Variants in LRRC37B observed in about 807,000 individuals in gnomAD.
LRRC37B encodes leucine-rich repeat-containing protein 37B.
In LRRC37B, 28 loss-of-function variants were observed where a neutral mutation model predicts 98.3. That is an observed-to-expected ratio of 0.28 (90% CI 0.21 to 0.39). The LOEUF (loss-of-function observed/expected upper bound fraction) is 0.39. Ranked by LOEUF, LRRC37B falls within the 10% of genes least tolerant of loss-of-function variation. LRRC37B has a pLI of 1.00. For missense variants in LRRC37B, 938 were observed against 1,182.7 expected, an observed-to-expected ratio of 0.79 and a Z score of 3.03; for synonymous variants, 364 against 442.7, an observed-to-expected ratio of 0.82 and a Z score of 2.23.
chr17:32,017,792 CA>C (rs928975211), upstream of LRRC37B, among the ~76,000 whole-genome samples: 2 of 150,638 alleles, frequency 1.3e-5, no homozygotes, highest in Admixed American at 6.6e-5. Context: ...ACCCAGTCTC[CA>C]AAAAAAACAG....
rs771890680 is a variant in LRRC37B, at chr17:32,022,173, G to C, written c.1108G>C (p.Val370Leu). 4 of 1,613,724 alleles carry C rather than the reference G, an allele frequency of 2.5e-6. 1 individual carries two copies. In the South Asian group the frequency reaches 3.3e-5, roughly 13 times the overall value. Residue 370 changes from valine to leucine, a missense_variant, in exon 1 of 12, where the codon GTC becomes CTC. Transcript: ENST00000327564. The stretch of plus-strand genomic sequence containing the variant: ...TCATTATAATTTGCCCAAGTTTACA[G>C]TCAAACCTGCAGATGTGGAGGTTAC...
intron 1 of LRRC37B, among the ~76,000 whole-genome samples, chr17:32,011,649 C>G (rs1381197906): frequency 6.6e-6 from 1 of 151,950 alleles, no homozygotes; most frequent in African/African-American, 2.4e-5. Flanking sequence ...AGGCACCCAC[C>G]ACCACGCCCA....
chr17:32,033,185 G>A (rs570984656), intron 5 of LRRC37B, among the ~76,000 whole-genome samples: 3 of 152,114 alleles, frequency 2.0e-5, no homozygotes, highest in Non-Finnish European at 4.4e-5. Flanking sequence ...TACTACGTTG[G>A]TCAGGCTGGT....
At position 32,040,978 on chromosome 17, in the gene LRRC37B, C is replaced by T. The variant is rs746399925; in HGVS notation, c.2205-4722C>T. The T allele has an allele frequency of 1.6e-5, 14 of 856,960 alleles. No individual in the cohort carries two copies. The East Asian group carries it at 2.2e-4, about 13-fold the overall frequency. 53.1% of individuals were successfully genotyped at this position (856,960 alleles called of 1,614,324 possible). On this transcript the variant is annotated intron_variant, in intron 7 of 11. Coordinates refer to ENST00000327564, the Ensembl canonical transcript of LRRC37B. ...ATCCCCGATGAGGAGCTGCGTCAGG[C>T]GCTGGAGAAGTTTGAGGACTCCAAG...
upstream of LRRC37B, chr17:32,018,024 C>G (rs1910684906): frequency 4.5e-6 from 1 of 220,208 alleles, no homozygotes; most frequent in Non-Finnish European, 9.6e-6. Context: ...TTGTAGATGT[C>G]AGATGGGAAG....
intron 1 of LRRC37B, among the ~76,000 whole-genome samples, chr17:32,015,827 A>G (rs1910637663): frequency 6.6e-6 from 1 of 152,206 alleles, no homozygotes; most frequent in Non-Finnish European, 1.5e-5. Context: ...GGGGGGCATG[A>G]GTAATTGCCT....
exon 1 of LRRC37B, chr17:32,021,467 G>C: frequency 6.2e-7 from 1 of 1,614,040 alleles, no homozygotes; most frequent in Non-Finnish European, 8.5e-7. Context: ...CTGGAGAGCT[G>C]CCCCTGGGGC....
At chr17:32,043,937 G>A (rs902903277) in intron 7 of LRRC37B, among the ~76,000 whole-genome samples, 15 of 151,582 alleles carry the variant, frequency 9.9e-5, no homozygotes, top group African/African-American at 3.4e-4. Context: ...ATCACTCAGT[G>A]TGTGCCAGAC....
In LRRC37B at chr17:32,022,796, C is replaced by G. The variant is rs201331452; in HGVS notation, c.1731C>G (p.Pro577=). The G allele has an allele frequency of 7.4e-6, 12 of 1,613,912 alleles. No homozygotes were observed. In the South Asian group the frequency reaches 8.8e-5, roughly 12 times the overall value. Residue 577 remains proline (P), a synonymous_variant, in exon 1 of 12, where the codon CCC becomes CCG. Coordinates refer to ENST00000327564, the Ensembl canonical transcript of LRRC37B. ...TCCGCCAAGTGCCTGTGCCAGAGCC[C>G]GACACCTACAATGGCATCTTCACCA...
At chr17:32,050,143 A>G (rs16967101) in intron 11 of LRRC37B, 36 bp downstream of exon 14, 166,930 of 1,127,086 alleles carry the variant, frequency 0.15, 14,663 homozygotes, top group African/African-American at 0.35. Flanking sequence ...TTCAGAATAC[A>G]ATCCTGTGTT....
At chr17:32,008,201 T>A (rs59722712) in intron 1 of LRRC37B, 69 bp downstream of exon 1, 10 of 203,580 alleles carry the variant, frequency 4.9e-5, no homozygotes, top group Non-Finnish European at 7.7e-5. Context: ...TGCTCACTTA[T>A]GTGCTGTGCA....
chr17:32,040,478 A>C lies in LRRC37B; in HGVS notation c.2204+4839A>C, dbSNP rs1911392787. ...AAAAAGCAGTTCTACAAGGCAAGCCAGCTGGTCAGTGAGAAGGTCGGAGGG... is the reference window on the plus strand; with the variant it reads ...AAAAAGCAGTTCTACAAGGCAAGCCCGCTGGTCAGTGAGAAGGTCGGAGGG... On this transcript the variant is annotated intron_variant, in intron 7 of 11. Transcript: ENST00000327564. The C allele has an allele frequency of 3.1e-5, 20 of 643,014 alleles. 2 individuals carry two copies. The highest frequency in any genetic ancestry group is 3.1e-4 in the South Asian group (20 of 64,816). 39.8% of individuals were successfully genotyped at this position (643,014 alleles called of 1,614,324 possible).
At chr17:32,009,310 G>GGA (rs1313622060) in intron 1 of LRRC37B, among the ~76,000 whole-genome samples, 1 of 151,490 alleles carries the variant, frequency 6.6e-6, no homozygotes, top group Non-Finnish European at 1.5e-5. Context: ...TGCCCAGGCT[G>GGA]GAGAGCAGTG....
At position 32,021,950 on chromosome 17, in the gene LRRC37B, TC is replaced by T. The variant is rs1910805802; in HGVS notation, c.887del (p.Pro296GlnfsTer27). The T allele has an allele frequency of 6.2e-7, 1 of 1,613,982 alleles. No individual in the cohort carries two copies. Among genetic ancestry groups the T allele is most frequent in the South Asian group, 1.1e-5 (1 of 91,074 alleles). Reference sequence around the variant, plus strand: ...TCCATCTAGAGCCCAAAAGTCAAAATCCAGAGACCCTTGAAGACATCCAGTC... The same window carrying T: ...TCCATCTAGAGCCCAAAAGTCAAAATCAGAGACCCTTGAAGACATCCAGTC... On this transcript the variant is annotated frameshift_variant, in exon 1 of 12. Transcript: ENST00000327564. LOFTEE classifies it high-confidence loss of function.
chr17:32,031,455 A>T, exon 5 of LRRC37B: 2 of 1,593,494 alleles, frequency 1.3e-6, no homozygotes, highest in South Asian at 2.3e-5. Context: ...TTTTTACACA[A>T]CTTGTAAGTG....
At chr17:32,024,661 G>T in intron 1 of LRRC37B, 50 bp from the exon 5 acceptor site, 10 of 1,605,728 alleles carry the variant, frequency 6.2e-6, no homozygotes, top group Non-Finnish European at 8.5e-6. Context: ...TATTTATCCT[G>T]TTCATTCTTT....
intron 9 of LRRC37B, 66 bp downstream of exon 12, chr17:32,047,967 C>T (rs1911639205): frequency 3.7e-6 from 6 of 1,613,318 alleles, no homozygotes; most frequent in Middle Eastern, 1.7e-4. Context: ...CTTGCCTTAT[C>T]TCTCACTGGG....
rs368286213 is a variant in LRRC37B, at chr17:32,047,449, G to C, written c.2324-312G>C. ...GAGGCCAGTTCATCAGCTCATCAGGGAAGCACTTGTCTTCCACCTTGGGCT... is the reference window on the plus strand; with the variant it reads ...GAGGCCAGTTCATCAGCTCATCAGGCAAGCACTTGTCTTCCACCTTGGGCT... On this transcript the variant is annotated intron_variant, in intron 8 of 11. Transcript: ENST00000327564. The C allele has an allele frequency of 3.4e-4, 137 of 403,052 alleles. 4 individuals carry two copies. In the East Asian group the frequency reaches 4.7e-3, roughly 14 times the overall value. The allele number at this position is 403,052 out of a possible 1,614,324, so 25.0% of individuals were successfully genotyped here.
At chr17:32,050,964 G>C (rs1206495872) in intron 11 of LRRC37B, 6 of 152,152 alleles carry the variant, frequency 3.9e-5, no homozygotes, top group African/African-American at 1.2e-4. Flanking sequence ...TGGCACCCTT[G>C]ATGCTATGCT....
Sources: gnomAD v4.1 joint callset for allele counts (sites outside exome capture counted in the v4.1 genomes callset) on GRCh38, gnomAD v4.1.1 for gene constraint, MANE v1.5 for transcripts, NCBI Gene and HGNC (gene_info 2026-07-23, HGNC 2026-07-21) for gene names.